Variants in RBFOX3 observed in about 807,000 individuals in gnomAD.
The protein encoded by RBFOX3 is RNA binding protein fox-1 homolog 3.
A neutral mutation model predicts 48.7 loss-of-function variants in RBFOX3; 17 were observed. That is an observed-to-expected ratio of 0.35 (90% CI 0.24 to 0.52). The LOEUF (loss-of-function observed/expected upper bound fraction) is 0.52. Among genes scored for constraint, RBFOX3 ranks in the 20% least tolerant of loss-of-function variants. The pLI is 0.94. For missense variants in RBFOX3, 382 were observed against 497.5 expected (o/e 0.77, Z 2.21); for synonymous variants, 212 against 209.5 (o/e 1.01, Z -0.10).
intron 2 of RBFOX3, among the ~76,000 whole-genome samples, chr17:79,442,504 C>T (rs998442737): frequency 4.6e-5 from 7 of 151,734 alleles, no homozygotes; most frequent in Non-Finnish European, 1.5e-5. Flanking sequence ...TGGTGAGAGG[C>T]GTATGGTAAG....
intron 4 of RBFOX3, among the ~76,000 whole-genome samples, chr17:79,133,301 C>G (rs2039417920): frequency 6.6e-6 from 1 of 152,190 alleles, no homozygotes; most frequent in Admixed American, 6.5e-5. Context: ...TCCATGGTCA[C>G]TACCAGCTCC....
At chr17:79,476,018 A>G (rs2077688702) in intron 2 of RBFOX3, among the ~76,000 whole-genome samples, 1 of 152,220 alleles carries the variant, frequency 6.6e-6, no homozygotes, top group Non-Finnish European at 1.5e-5. Context: ...CTGAATTTCC[A>G]GCCCCACTGG....
chr17:79,100,577 G>C (rs557880835), intron 9 of RBFOX3, among the ~76,000 whole-genome samples: 1 of 152,122 alleles, frequency 6.6e-6, no homozygotes, highest in Non-Finnish European at 1.5e-5. Context: ...CTGACTCCAC[G>C]TATGGCCGAT....
At chr17:79,124,437 T>A (rs200802018) in intron 4 of RBFOX3, among the ~76,000 whole-genome samples, 1 of 152,194 alleles carries the variant, frequency 6.6e-6, no homozygotes, top group African/African-American at 2.4e-5. Context: ...ATGGAGCCCC[T>A]CCTCTGGGCC....
At chr17:79,350,247 G>T (rs764150982) in intron 2 of RBFOX3, among the ~76,000 whole-genome samples, 1 of 152,076 alleles carries the variant, frequency 6.6e-6, no homozygotes, top group Non-Finnish European at 1.5e-5. Flanking sequence ...GCCCCATCCC[G>T]CCTCTCCAGT....
At chr17:79,660,900 T>C in the RBFOX3 span, among the ~76,000 whole-genome samples, 4 of 152,094 alleles carry the variant, frequency 2.6e-5, no homozygotes, top group African/African-American at 9.7e-5. Flanking sequence ...CAATCACAGA[T>C]TGGATAAAGA....
chr17:79,171,292 TAG>T (rs1568276064), intron 4 of RBFOX3, among the ~76,000 whole-genome samples: 1 of 152,244 alleles, frequency 6.6e-6, no homozygotes, highest in Admixed American at 6.5e-5. Context: ...ATGCGGCTGT[TAG>T]GAAACGTAAC....
intron 2 of RBFOX3, among the ~76,000 whole-genome samples, chr17:79,458,491 G>A (rs1178207577): frequency 6.6e-6 from 1 of 152,020 alleles, no homozygotes; most frequent in Non-Finnish European, 1.5e-5. Context: ...GAGATATGTA[G>A]CTCTTTGCCA....
the RBFOX3 span, among the ~76,000 whole-genome samples, chr17:79,627,011 A>G: frequency 6.6e-6 from 1 of 152,254 alleles, no homozygotes; most frequent in African/African-American, 2.4e-5. Flanking sequence ...AGATGCACCC[A>G]GCAAATAATA....
chr17:79,090,833 G>GT lies in RBFOX3; in HGVS notation c.*49dup, dbSNP rs112694129. ...TTTTTTTTGTTTTGTGATTTTTTTT[G>GT]TTTTTTTGTTTTTGCCCTTCATGGT... is the stretch of plus-strand genomic sequence containing the variant. On this transcript the variant is annotated 3_prime_UTR_variant, in exon 15 of 15. Coordinates refer to ENST00000693108, the MANE Select transcript of RBFOX3 (RefSeq NM_001350451.2). The GT allele has an allele frequency of 2.2e-4, 330 of 1,468,782 alleles. No individual in the cohort carries two copies. The African/African-American group carries it at 3.7e-3, about 16-fold the overall frequency. The allele number at this position is 1,468,782 out of a possible 1,614,324, so 91.0% of individuals were successfully genotyped here. A position where few individuals can be genotyped will look rare whatever the true frequency, so the allele number is the denominator to read the frequency against.
chr17:79,603,174 T>C (rs2093747009), intron 1 of RBFOX3, among the ~76,000 whole-genome samples: 1 of 152,034 alleles, frequency 6.6e-6, no homozygotes, highest in Admixed American at 6.6e-5. Context: ...GTACTTTTAG[T>C]ATAGATGGGG....
At chr17:79,527,219 C>T (rs2086915782) in intron 1 of RBFOX3, among the ~76,000 whole-genome samples, 2 of 152,264 alleles carry the variant, frequency 1.3e-5, no homozygotes, top group South Asian at 2.1e-4. Context: ...ATGCAGAGCA[C>T]GCCTGCCACC....
chr17:79,276,811 C>T (rs556372486), intron 3 of RBFOX3, among the ~76,000 whole-genome samples: 41 of 152,218 alleles, frequency 2.7e-4, no homozygotes, highest in Non-Finnish European at 5.7e-4. Flanking sequence ...TTGATTCAGC[C>T]AATATACAAC....
At chr17:79,094,685 G>C (rs2074798296) in intron 13 of RBFOX3, among the ~76,000 whole-genome samples, 156 bp from the exon 14 acceptor site, 1 of 151,660 alleles carries the variant, frequency 6.6e-6, no homozygotes, top group Non-Finnish European at 1.5e-5. Context: ...AGGCCTGCAA[G>C]GCCTACCCCT....
intron 2 of RBFOX3, among the ~76,000 whole-genome samples, chr17:79,457,773 G>A (rs1424785219): frequency 2.0e-5 from 3 of 152,246 alleles, no homozygotes; most frequent in Non-Finnish European, 4.4e-5. Context: ...CCAGTGTGGG[G>A]AGGTGCAGGA....
At chr17:79,264,967 G>A (rs539056554) in intron 3 of RBFOX3, among the ~76,000 whole-genome samples, 12 of 93,088 alleles carry the variant, frequency 1.3e-4, no homozygotes, top group South Asian at 8.4e-4. Flanking sequence ...GCGAGAGGAG[G>A]GGGGGGGGGC....
chr17:79,332,331 C>G (rs1226793686), intron 2 of RBFOX3, among the ~76,000 whole-genome samples: 1 of 129,032 alleles, frequency 7.8e-6, no homozygotes, highest in Non-Finnish European at 1.6e-5. Context: ...AGGGATCAGG[C>G]TGAGCACAGC....
chr17:79,188,829 G>C (rs138749514), intron 4 of RBFOX3, among the ~76,000 whole-genome samples: 2 of 152,370 alleles, frequency 1.3e-5, no homozygotes, highest in Non-Finnish European at 1.5e-5. Flanking sequence ...GGCTCGGTGG[G>C]TAAGAGGCCT....
chr17:79,389,711 T>C (rs2061088519), intron 2 of RBFOX3, among the ~76,000 whole-genome samples: 1 of 152,154 alleles, frequency 6.6e-6, no homozygotes, highest in African/African-American at 2.4e-5. Flanking sequence ...TGTACGTTCC[T>C]GGGGAATGCC....
Sources: allele counts gnomAD v4.1 joint callset (sites outside exome capture counted in the v4.1 genomes callset), GRCh38; gene constraint gnomAD v4.1.1; transcripts MANE v1.5; gene names NCBI Gene and HGNC (gene_info 2026-07-23, HGNC 2026-07-21).